Variants in MED13L observed in about 807,000 individuals in gnomAD.
The protein encoded by MED13L is mediator of RNA polymerase II transcription subunit 13-like.
In MED13L, 7 loss-of-function variants were observed where a neutral mutation model predicts 220.9. That is an observed-to-expected ratio of 0.03 (90% CI 0.02 to 0.06). MED13L has a LOEUF of 0.06. Ranked by LOEUF, MED13L falls within the 10% of genes least tolerant of loss-of-function variation. The pLI is 1.00. For missense variants in MED13L, 1,965 were observed against 2,760.5 expected, an observed-to-expected ratio of 0.71 and a Z score of 6.46; for synonymous variants, 1,011 against 1,015.2, an observed-to-expected ratio of 1.00 and a Z score of 0.08.
intron 1 of MED13L, among the ~76,000 whole-genome samples, chr12:116,244,095 T>C (rs1194012518): frequency 1.2e-4 from 18 of 152,234 alleles, no homozygotes; most frequent in Non-Finnish European, 2.9e-5. Context: ...TCTAGGCTGG[T>C]GTATAGAAAA....
chr12:116,272,506 G>GA (rs1435504313), intron 1 of MED13L, among the ~76,000 whole-genome samples: 1 of 151,420 alleles, frequency 6.6e-6, no homozygotes. Context: ...ATGTTGCAGT[G>GA]AGCCAAGACT....
At chr12:116,159,491 G>A (rs937901879) in intron 2 of MED13L, among the ~76,000 whole-genome samples, 1 of 152,064 alleles carries the variant, frequency 6.6e-6, no homozygotes. Context: ...ACTTAGAAAG[G>A]TGAGCAGGTA....
chr12:116,198,567 C>T (rs977717885), intron 2 of MED13L, among the ~76,000 whole-genome samples: 2 of 152,184 alleles, frequency 1.3e-5, no homozygotes, highest in African/African-American at 4.8e-5. Context: ...GACAACTCCA[C>T]TCATGGGGTC....
chr12:116,061,383 C>A (rs1286577280), intron 4 of MED13L, among the ~76,000 whole-genome samples: 1 of 151,986 alleles, frequency 6.6e-6, no homozygotes, highest in African/African-American at 2.4e-5. Flanking sequence ...CTAGGAAAGG[C>A]AATGTCAGAG....
At chr12:116,088,165 C>T (rs76396644) in intron 4 of MED13L, among the ~76,000 whole-genome samples, 1 of 152,078 alleles carries the variant, frequency 6.6e-6, no homozygotes, top group South Asian at 2.1e-4. Context: ...CCCTCCACCC[C>T]CCTTTTTAAA....
intron 2 of MED13L, among the ~76,000 whole-genome samples, chr12:116,113,179 T>C (rs1451311030): frequency 6.6e-6 from 1 of 152,204 alleles, no homozygotes; most frequent in African/African-American, 2.4e-5. Flanking sequence ...ACCCAGTCAC[T>C]GGTGCAGTAT....
At chr12:116,276,945 G>T in intron 1 of MED13L, 115 bp downstream of exon 1, 1 of 1,182,914 alleles carries the variant, frequency 8.5e-7, no homozygotes, top group Non-Finnish European at 1.2e-6. Flanking sequence ...ACGGCGGGGA[G>T]ACGCGAGGGA....
chr12:116,053,677 A>G (rs1868699864), intron 4 of MED13L, among the ~76,000 whole-genome samples: 1 of 152,168 alleles, frequency 6.6e-6, no homozygotes, highest in Non-Finnish European at 1.5e-5. Context: ...AAGGTCATAT[A>G]ACTTGGAAGG....
chr12:116,073,818 G>A (rs1870573956), intron 4 of MED13L, among the ~76,000 whole-genome samples: 1 of 152,162 alleles, frequency 6.6e-6, no homozygotes, highest in Non-Finnish European at 1.5e-5. Context: ...TCCTAAATGA[G>A]TGATGGATCA....
intron 4 of MED13L, among the ~76,000 whole-genome samples, chr12:116,062,468 G>GTCTC (rs746975088): frequency 3.5e-5 from 5 of 142,692 alleles, no homozygotes; most frequent in South Asian, 2.2e-4. Flanking sequence ...ATAGAATAGT[G>GTCTC]TCTCTCTCTC....
chr12:116,050,795 C>T lies in MED13L; in HGVS notation c.480-28194G>A, dbSNP rs567470007. Among the ~76,000 whole-genome samples, 310 of 152,144 alleles carry T rather than the reference C, an allele frequency of 2.0e-3. 3 individuals are homozygous for T. The highest frequency in any genetic ancestry group is 2.1e-3 in the Non-Finnish European group (146 of 67,978). On this transcript the variant is annotated intron_variant, in intron 4 of 30. Coordinates refer to ENST00000281928, the MANE Select transcript of MED13L (RefSeq NM_015335.5). ...CTACTAAAAATACAAAAAAATCAGC[C>T]AGGCGTGGTGGCACATGCCAGTAAT...
intron 4 of MED13L, among the ~76,000 whole-genome samples, chr12:116,078,755 C>T (rs1871011472): frequency 6.6e-6 from 1 of 152,148 alleles, no homozygotes; most frequent in African/African-American, 2.4e-5. Context: ...AATAAAAGTT[C>T]ACCTGCCCCT....
chr12:116,008,649 T>G lies in MED13L; in HGVS notation c.1764A>C (p.Glu588Asp). The G allele has an allele frequency of 6.2e-7, 1 of 1,613,932 alleles. No homozygotes were observed. The highest frequency in any genetic ancestry group is 8.5e-7 in the Non-Finnish European group (1 of 1,179,976). The change falls in exon 10 of 31, where the codon GAA becomes GAC. Residue 588 changes from glutamate to aspartate, a missense_variant. Coordinates refer to ENST00000281928, the MANE Select transcript of MED13L (RefSeq NM_015335.5). Reference sequence around the variant, plus strand: ...CATCCAGAGTAGACAACTGCTGGAGTTCTAGTCCATTTCCATAAAGGGCTG... The same window carrying G: ...CATCCAGAGTAGACAACTGCTGGAGGTCTAGTCCATTTCCATAAAGGGCTG... ...VNPALYGNGL[E>D]LQQLSTLDDR...
intron 2 of MED13L, among the ~76,000 whole-genome samples, chr12:116,132,274 C>T (rs886923975): frequency 4.8e-5 from 6 of 124,696 alleles, no homozygotes; most frequent in Non-Finnish European, 8.1e-5. Context: ...AGCAATACTT[C>T]GTCTCAAAAA....
chr12:116,133,731 C>T (rs1302069857), intron 2 of MED13L, among the ~76,000 whole-genome samples: 4 of 152,200 alleles, frequency 2.6e-5, no homozygotes, highest in South Asian at 4.1e-4. Context: ...AAAATATGGC[C>T]GAAGTGACTG....
Position 116,277,503 on chromosome 12 carries a change from CGCCGCCGCCGCCTCGGA to C in MED13L, c.-389_-373del, listed in dbSNP as rs1181868783. On this transcript the variant is annotated 5_prime_UTR_variant, in exon 1 of 31. Coordinates refer to ENST00000281928, the MANE Select transcript of MED13L (RefSeq NM_015335.5). ...CGCGAGGGGAGGCGAGCCCCGGAGC[CGCCGCCGCCGCCTCGGA>C]GCCGCCGCCGCCGCGGAGCGCGAAC... is the stretch of plus-strand genomic sequence containing the variant. Among the ~76,000 whole-genome samples, 34 of 148,610 alleles carry C rather than the reference CGCCGCCGCCGCCTCGGA, an allele frequency of 2.3e-4. No homozygotes were observed. The highest frequency in any genetic ancestry group is 1.8e-3 in the East Asian group (9 of 4,990).
At chr12:116,138,845 T>C (rs960603205) in intron 2 of MED13L, among the ~76,000 whole-genome samples, 3 of 152,244 alleles carry the variant, frequency 2.0e-5, no homozygotes, top group African/African-American at 7.2e-5. Context: ...CTAAAATCTC[T>C]GACTTGGGAT....
chr12:116,152,180 G>T (rs957048518), intron 2 of MED13L, among the ~76,000 whole-genome samples: 4 of 152,088 alleles, frequency 2.6e-5, no homozygotes, highest in Non-Finnish European at 5.9e-5. Flanking sequence ...CCCCCAAAAG[G>T]CTGTGAAAAA....
chr12:116,252,652 AAG>A (rs1871658256), intron 1 of MED13L, among the ~76,000 whole-genome samples: 1 of 152,134 alleles, frequency 6.6e-6, no homozygotes, highest in Non-Finnish European at 1.5e-5. Context: ...TAATGTGGAA[AAG>A]AGAAGAAATA....
Sources: gnomAD v4.1 joint callset for allele counts (sites outside exome capture counted in the v4.1 genomes callset) on GRCh38, gnomAD v4.1.1 for gene constraint, MANE v1.5 for transcripts, NCBI Gene and HGNC (gene_info 2026-07-23, HGNC 2026-07-21) for gene names.